The following DDX27 variants were observed in gnomAD, a reference collection of about 807,000 sequenced individuals.
The protein encoded by DDX27 is probable ATP-dependent RNA helicase DDX27.
DDX27 carries 42 observed loss-of-function variants against 99.3 expected under a neutral mutation model. The observed-to-expected ratio is 0.42, with a 90% CI of 0.33 to 0.55. DDX27 has a LOEUF of 0.55. DDX27 is among the 20% of genes least tolerant of loss of function. The probability of loss-of-function intolerance (pLI) is 0.07; values close to 1 mark genes in which losing one functional copy is unlikely to be tolerated. For synonymous variants in DDX27, 329 were observed against 353.8 expected (o/e 0.93, Z 0.79); for missense variants, 798 against 976.8 (o/e 0.82, Z 2.44).
rs1233188569 is a variant in DDX27 at position 49,236,869 on chromosome 20, G to C, written c.1687+359G>C. On this transcript the variant is annotated intron_variant, in intron 14 of 20. Transcript: ENST00000618172. This position sits in a 1 kb window ranked among gnomAD's most constrained non-coding sequence, Gnocchi z 4.1. Reference sequence around the variant, plus strand: ...GTCCTTTCATTGATTTTGTTCCTCTGATCTGTGGGGGTCTTATAAAGCACA... The same window carrying C: ...GTCCTTTCATTGATTTTGTTCCTCTCATCTGTGGGGGTCTTATAAAGCACA... Among the ~76,000 whole-genome samples the C allele has an allele frequency of 2.6e-5, 4 of 152,072 alleles. No individual in the cohort carries two copies. The East Asian group carries it at 5.8e-4, about 22-fold the overall frequency.
rs960328632 is a variant in DDX27, at chr20:49,221,329, C to T, written c.94-123C>T. 31 of 1,073,344 alleles carry T rather than the reference C, an allele frequency of 2.9e-5. No homozygotes were observed. In the Admixed American group the frequency reaches 6.5e-4, roughly 23 times the overall value. The allele number at this position is 1,073,344 out of a possible 1,614,324, so 66.5% of individuals were successfully genotyped here. ...GCTGGTCTTGAACTCCTGACCTTGT[C>T]TGCGTGCCTTCGCCTCCTAAAGTGC... On this transcript the variant is annotated intron_variant, in intron 1 of 20. Transcript: ENST00000618172.
chr20:49,239,558 A>T (rs191738394), intron 16 of DDX27, among the ~76,000 whole-genome samples: 1 of 152,194 alleles, frequency 6.6e-6, no homozygotes, highest in African/African-American at 2.4e-5. Context: ...GCACTTCACA[A>T]TAGGGTTAGT....
intron 16 of DDX27, 194 bp from the exon 17 acceptor site, chr20:49,241,699 C>G: frequency 1.6e-6 from 1 of 633,820 alleles, no homozygotes; most frequent in Non-Finnish European, 2.8e-6. Context: ...AAACTCCTGA[C>G]CTCAGGTGAT....
chr20:49,226,948 C>T lies in DDX27; in HGVS notation c.706+413C>T, dbSNP rs528864173. Among the ~76,000 whole-genome samples the T allele has an allele frequency of 8.9e-3, 1,183 of 132,766 alleles. 20 individuals are homozygous for T. The highest frequency in any genetic ancestry group is 0.03 in the African/African-American group (1,091 of 36,430). The allele number at this position is 132,766 out of a possible 152,430, so 87.1% of individuals were successfully genotyped here. On this transcript the variant is annotated intron_variant, in intron 7 of 20. Coordinates refer to ENST00000618172, the MANE Select transcript of DDX27 (RefSeq NM_017895.8). ...CGGGATCTCGGCTCACTGCAAGCTC[C>T]GCCTCCCGGGTTCACGCCATTCTCC... is the stretch of plus-strand genomic sequence containing the variant.
intron 3 of DDX27, 93 bp downstream of exon 3, chr20:49,223,109 G>T: frequency 7.1e-7 from 1 of 1,407,470 alleles, no homozygotes; most frequent in Admixed American, 2.0e-5. Context: ...TATAGAGCGG[G>T]GCATGGCTGG....
At chr20:49,222,568 G>A (rs1979728741) in intron 2 of DDX27, among the ~76,000 whole-genome samples, 1 of 151,936 alleles carries the variant, frequency 6.6e-6, no homozygotes, top group East Asian at 1.9e-4. Context: ...AGGCTGGAGT[G>A]CAATGGCGTG....
intron 1 of DDX27, 38 bp from the exon 2 acceptor site, chr20:49,221,414 C>T (rs777302434): frequency 6.2e-7 from 1 of 1,611,554 alleles, no homozygotes; most frequent in Non-Finnish European, 8.5e-7. Flanking sequence ...CATTCTTTAT[C>T]TCAGCCCCAA....
rs1015161373 is a variant in DDX27, at chr20:49,225,137, G to T, written c.538G>T (p.Ala180Ser). Reference protein sequence around the residue: ...GQEAGGFFEDASQYDENLSFQ... With the variant: ...GQEAGGFFEDSSQYDENLSFQ... ...GGAAGCAGGAGGATTTTTTGAAGAT[G>T]CATCTCAGTACGATGAAAACCTCTC... is the stretch of plus-strand genomic sequence containing the variant. The change falls in exon 6 of 21, where the codon GCA becomes TCA. Residue 180 changes from alanine (A) to serine (S), a missense_variant. By Grantham distance (99) the Ala-to-Ser change is moderately conservative (BLOSUM62 1). This residue lies in a region of DDX27 where 245 missense variants were observed against 248.8 expected (regional missense o/e 0.98). Coordinates refer to ENST00000618172, the MANE Select transcript of DDX27 (RefSeq NM_017895.8). 6.2e-7 allele frequency: 1 copy of T among 1,613,804 alleles called. No homozygotes were observed. Among genetic ancestry groups the T allele is most frequent in the Admixed American group, 1.7e-5 (1 of 59,996 alleles).
At chr20:49,231,391 C>T (rs1238930355) in intron 9 of DDX27, among the ~76,000 whole-genome samples, 1 of 152,096 alleles carries the variant, frequency 6.6e-6, no homozygotes, top group African/African-American at 2.4e-5. Flanking sequence ...TTCCTGAGGC[C>T]TAAAGGATGA....
rs1278077624 is a variant in DDX27 at position 49,232,572 on chromosome 20, G to C, written c.1032-734G>C. Among the ~76,000 whole-genome samples, 4 of 152,138 alleles carry C rather than the reference G, an allele frequency of 2.6e-5. No individual in the cohort carries two copies. In the South Asian group the frequency reaches 6.2e-4, roughly 24 times the overall value. On this transcript the variant is annotated intron_variant, in intron 9 of 20. Transcript: ENST00000618172. ...AGGTCAGGAGATTGAGACCATCCTG[G>C]CTAACACAGTGAAACCCTGTCTCTA...
intron 1 of DDX27, among the ~76,000 whole-genome samples, chr20:49,221,119 G>A (rs544048174): frequency 1.4e-4 from 22 of 152,160 alleles, no homozygotes; most frequent in African/African-American, 4.3e-4. Flanking sequence ...GCGCCACCAC[G>A]CCCGGCTAAT....
chr20:49,222,902 C>T lies in DDX27; in HGVS notation c.241-55C>T, dbSNP rs1356270120. On this transcript the variant is annotated intron_variant, in intron 2 of 20. Coordinates refer to ENST00000618172, the MANE Select transcript of DDX27 (RefSeq NM_017895.8). ...AAGTTAATTATGAAGAGTTTGTTCT[C>T]TTATTCGATGTTTCAATGAAAATTT... 2.0e-6 allele frequency: 3 copies of T among 1,463,718 alleles called. No homozygotes were observed. In the East Asian group the frequency reaches 7.1e-5, roughly 34 times the overall value. 90.7% of individuals were successfully genotyped at this position (1,463,718 alleles called of 1,614,324 possible). A position where few individuals can be genotyped will look rare whatever the true frequency, so the allele number is the denominator to read the frequency against.
At chr20:49,240,820 G>A (rs1287426824) in intron 16 of DDX27, among the ~76,000 whole-genome samples, 1 of 151,954 alleles carries the variant, frequency 6.6e-6, no homozygotes, top group Non-Finnish European at 1.5e-5. Flanking sequence ...TTGTCATCCA[G>A]CCTGGGCAGC....
chr20:49,223,253 T>C lies in DDX27; in HGVS notation c.301-15T>C. 7 of 1,601,138 alleles carry C rather than the reference T, an allele frequency of 4.4e-6. No homozygotes were observed. The highest frequency in any genetic ancestry group is 5.9e-6 in the Non-Finnish European group (7 of 1,176,516). Reference sequence around the variant, plus strand: ...TAGAAGTTTCTCATCACCCTCACTTTAATTTTTTTCCCAGGATAAAGAAGC... The same window carrying C: ...TAGAAGTTTCTCATCACCCTCACTTCAATTTTTTTCCCAGGATAAAGAAGC... On this transcript the variant is annotated splice_polypyrimidine_tract_variant and intron_variant, in intron 3 of 20. Transcript: ENST00000618172.
At chr20:49,241,555 C>T (rs1195529566) in intron 16 of DDX27, among the ~76,000 whole-genome samples, 4 of 151,856 alleles carry the variant, frequency 2.6e-5, no homozygotes, top group Non-Finnish European at 4.4e-5. Context: ...TCACTGCAGC[C>T]TCCCCTTCCT....
At chr20:49,243,239 G>A (rs143159197) in intron 19 of DDX27, among the ~76,000 whole-genome samples, 2,959 of 152,244 alleles carry the variant, frequency 0.019, 41 homozygotes, top group Non-Finnish European at 0.029. Context: ...ACATTGTTGG[G>A]TTCAGAAATG....
intron 7 of DDX27, among the ~76,000 whole-genome samples, chr20:49,227,018 A>T (rs1447705042): frequency 2.7e-5 from 4 of 149,072 alleles, no homozygotes; most frequent in Non-Finnish European, 5.9e-5. Context: ...GCCCGCCACT[A>T]CGCCCGGCTA....
intron 9 of DDX27, among the ~76,000 whole-genome samples, chr20:49,233,009 T>G (rs6122768): frequency 6.6e-5 from 10 of 151,520 alleles, no homozygotes; most frequent in Non-Finnish European, 1.5e-4. Flanking sequence ...TTCACGCACT[T>G]GAAAGTCTTG....
At position 49,222,941 on chromosome 20, in the gene DDX27, T is replaced by G. The variant is rs993138936; in HGVS notation, c.241-16T>G. 1 of 1,590,182 alleles carries G rather than the reference T, an allele frequency of 6.3e-7. No homozygotes were observed. Among genetic ancestry groups the G allele is most frequent in the Non-Finnish European group, 8.5e-7 (1 of 1,171,454 alleles). On this transcript the variant is annotated splice_polypyrimidine_tract_variant and intron_variant, in intron 2 of 20. Coordinates refer to ENST00000618172, the MANE Select transcript of DDX27 (RefSeq NM_017895.8). The stretch of plus-strand genomic sequence containing the variant: ...CAATGAAAATTTCTTTTTCACCTCT[T>G]TATTTTTATCTGCAGAGGGCAGCCA...
Sources: allele counts gnomAD v4.1 joint callset (sites outside exome capture counted in the v4.1 genomes callset), GRCh38; gene constraint gnomAD v4.1.1; regional missense constraint gnomAD v4.1.1; non-coding constraint Gnocchi (gnomAD v3.1); transcripts MANE v1.5; gene names NCBI Gene and HGNC (gene_info 2026-07-23, HGNC 2026-07-21).